Variants in CLCNKB observed in about 807,000 individuals in gnomAD.
CLCNKB encodes chloride channel protein ClC-Kb.
A neutral mutation model predicts 83.8 loss-of-function variants in CLCNKB; 74 were observed. The observed-to-expected ratio is 0.88, with a 90% CI of 0.73 to 1.07. The LOEUF is 1.07. Among genes scored for constraint, CLCNKB ranks in the 50% least tolerant of loss-of-function variants. The pLI is 0.00. For missense variants in CLCNKB, 798 were observed against 893.6 expected, an observed-to-expected ratio of 0.89 and a Z score of 1.36; for synonymous variants, 358 against 356.6, an observed-to-expected ratio of 1.00 and a Z score of -0.04.
chr1:16,054,096 T>C (rs889979274), intron 16 of CLCNKB, among the ~76,000 whole-genome samples: 1 of 152,110 alleles, frequency 6.6e-6, no homozygotes, highest in Admixed American at 6.5e-5. Context: ...CCTTTAAGCA[T>C]TCCCCAGATG....
intron 10 of CLCNKB, 78 bp from the exon 11 acceptor site, chr1:16,050,438 C>T: frequency 6.7e-7 from 1 of 1,495,112 alleles, no homozygotes; most frequent in Non-Finnish European, 9.3e-7. Flanking sequence ...CCAGTCCTTG[C>T]CTTGCTAGGC....
intron 15 of CLCNKB, among the ~76,000 whole-genome samples, chr1:16,052,889 CT>C (rs2023338309): frequency 3.9e-5 from 6 of 152,298 alleles, no homozygotes; most frequent in African/African-American, 1.4e-4. Context: ...ACCAAAGAGG[CT>C]CTGAGAGTCC....
At chr1:16,045,886 A>C (rs1183488297) in intron 3 of CLCNKB, among the ~76,000 whole-genome samples, 200 bp downstream of exon 3, 2 of 152,072 alleles carry the variant, frequency 1.3e-5, no homozygotes, top group African/African-American at 4.8e-5. Flanking sequence ...TCTCATTTGC[A>C]CAAGGGAGAG....
intron 3 of CLCNKB, 57 bp downstream of exon 3, chr1:16,045,743 G>T (rs1382191113): frequency 2.3e-5 from 36 of 1,591,882 alleles, no homozygotes; most frequent in African/African-American, 5.4e-5. Flanking sequence ...CTCTCTCTGG[G>T]GATGCCAGGT....
At chr1:16,056,365 T>C (rs899296344) in intron 18 of CLCNKB, 57 bp from the exon 19 acceptor site, 31 of 1,550,820 alleles carry the variant, frequency 2.0e-5, no homozygotes, top group South Asian at 1.0e-4. Flanking sequence ...TGGAGTGGGC[T>C]AGAGGGTGGG....
intron 1 of CLCNKB, among the ~76,000 whole-genome samples, 194 bp from the exon 2 acceptor site, chr1:16,044,292 C>G (rs2023023422): frequency 6.6e-6 from 1 of 152,070 alleles, no homozygotes; most frequent in Non-Finnish European, 1.5e-5. Flanking sequence ...CACACAGGCA[C>G]ACACCCTCAG....
At chr1:16,048,640 G>T in intron 7 of CLCNKB, 58 bp downstream of exon 7, 1 of 1,604,456 alleles carries the variant, frequency 6.2e-7, no homozygotes, top group South Asian at 1.1e-5. Context: ...CTCACACCCT[G>T]GGCTCCTTCG....
At chr1:16,047,224 A>C (rs113187681) in intron 4 of CLCNKB, among the ~76,000 whole-genome samples, 5,416 of 152,090 alleles carry the variant, frequency 0.036, 349 homozygotes, top group African/African-American at 0.12. Context: ...CAGGAGGATC[A>C]CTTGTGCCTA....
chr1:16,052,148 A>G (rs1467898152), intron 14 of CLCNKB, 50 bp from the exon 15 acceptor site: 3 of 1,607,560 alleles, frequency 1.9e-6, no homozygotes, highest in African/African-American at 1.3e-5. Context: ...TTGCCCTAAC[A>G]TGAGGCTGGC....
chr1:16,051,586 T>A, intron 13 of CLCNKB, 39 bp downstream of exon 13: 1 of 1,612,560 alleles, frequency 6.2e-7, no homozygotes, highest in Non-Finnish European at 8.5e-7. Flanking sequence ...GTTTCGGGGT[T>A]CTTGGGGCAG....
rs1356344092 is a variant in CLCNKB at position 16,050,566 on chromosome 1, A to G, written c.1019A>G (p.Tyr340Cys). Reference sequence around the variant, plus strand: ...ACCTTGGTTCTCGCCTCCATCACCTACCCACCCAGCGCCGGCCGCTTCCTA... The same window carrying G: ...ACCTTGGTTCTCGCCTCCATCACCTGCCCACCCAGCGCCGGCCGCTTCCTA... ...LATLVLASIT[Y>C]PPSAGRFLAS... Residue 340 changes from tyrosine (Y) to cysteine (C), a missense_variant, in exon 11 of 20, where the codon TAC becomes TGC. Transcript: ENST00000375679. 1 of 1,613,504 alleles carries G rather than the reference A, an allele frequency of 6.2e-7. No individual in the cohort carries two copies. The highest frequency in any genetic ancestry group is 8.5e-7 in the Non-Finnish European group (1 of 1,179,884).
intron 4 of CLCNKB, 121 bp from the exon 5 acceptor site, chr1:16,047,784 C>T (rs1034381650): frequency 1.0e-5 from 12 of 1,187,602 alleles, no homozygotes; most frequent in East Asian, 2.4e-5. Context: ...GAAAATAATC[C>T]TAACTTCAGA....
Position 16,051,783 on chromosome 1 carries a change from C to A in CLCNKB, c.1371C>A (p.Ile457=). 1 of 1,613,858 alleles carries A rather than the reference C, an allele frequency of 6.2e-7. No individual in the cohort carries two copies. The highest frequency in any genetic ancestry group is 1.3e-5 in the African/African-American group (1 of 74,990). The change falls in exon 14 of 20, where the codon ATC becomes ATA. Residue 457 remains isoleucine, a synonymous_variant. Transcript: ENST00000375679. Reference sequence around the variant, plus strand: ...CTGAGGGCATCGTGGCTGGAGGGATCACCAATCCCATCATGCCAGGGGGGT... The same window carrying A: ...CTGAGGGCATCGTGGCTGGAGGGATAACCAATCCCATCATGCCAGGGGGGT... ...IFPEGIVAGG[I]TNPIMPGGYA... is the part of the protein sequence containing the mutation.
rs541476030 is a variant in CLCNKB, at chr1:16,056,318, A to G, written c.1930-104A>G. On this transcript the variant is annotated intron_variant, in intron 18 of 19. Transcript: ENST00000375679. ...CCTGGGTCTCTTGTCTCCCACACAC[A>G]TCAGGCCCCGCCCCTCTTCCTGGCT... The G allele has an allele frequency of 3.6e-5, 42 of 1,171,992 alleles. No homozygotes were observed. In the African/African-American group the frequency reaches 5.0e-4, roughly 14 times the overall value. 72.6% of individuals were successfully genotyped at this position (1,171,992 alleles called of 1,614,324 possible).
At chr1:16,053,312 G>A (rs1326232639) in intron 15 of CLCNKB, among the ~76,000 whole-genome samples, 1 of 152,182 alleles carries the variant, frequency 6.6e-6, no homozygotes, top group Non-Finnish European at 1.5e-5. Context: ...ACAGGCGTGA[G>A]CCACCGTGCC....
intron 4 of CLCNKB, among the ~76,000 whole-genome samples, chr1:16,047,515 C>G (rs1387215329): frequency 6.6e-6 from 1 of 152,108 alleles, no homozygotes; most frequent in Non-Finnish European, 1.5e-5. Context: ...CTGGCTCATA[C>G]CTATAATCCC....
chr1:16,048,768 G>T (rs2023185486), intron 7 of CLCNKB, 186 bp downstream of exon 7: 1 of 1,465,122 alleles, frequency 6.8e-7, no homozygotes, highest in Non-Finnish European at 9.0e-7. Flanking sequence ...CTTGATTGGC[G>T]GTGCTAAGAG....
At chr1:16,053,596 C>T (rs1488796427) in intron 15 of CLCNKB, 43 bp from the exon 16 acceptor site, 1 of 1,613,574 alleles carries the variant, frequency 6.2e-7, no homozygotes, top group Admixed American at 1.7e-5. Context: ...CTGGGTCTCA[C>T]ATCCCTGACT....
In CLCNKB at chr1:16,051,650, G is replaced by T. The variant is rs2023296931; in HGVS notation, c.1298-60G>T. ...GGTTGTACTGAGGACGGTCCTCAGG[G>T]ATGGAGGGCTGTGGGGGCCGGGTCA... On this transcript the variant is annotated intron_variant, in intron 13 of 19. Coordinates refer to ENST00000375679, the MANE Select transcript of CLCNKB (RefSeq NM_000085.5). The T allele has an allele frequency of 2.5e-6, 4 of 1,601,194 alleles. No homozygotes were observed. In the Admixed American group the frequency reaches 6.7e-5, roughly 27 times the overall value.
Sources: allele counts gnomAD v4.1 joint callset (sites outside exome capture counted in the v4.1 genomes callset), GRCh38; gene constraint gnomAD v4.1.1; transcripts MANE v1.5; gene names NCBI Gene and HGNC (gene_info 2026-07-23, HGNC 2026-07-21).